The following SETD9 variants were observed in gnomAD, a reference collection of about 807,000 sequenced individuals.
SETD9 encodes SET domain containing 9.
Under a neutral mutation model 36.4 loss-of-function variants are expected in SETD9, and 37 were observed. That is an observed-to-expected ratio of 1.02 (90% CI 0.78 to 1.34). The LOEUF is 1.34. SETD9 is among the 40% of genes most tolerant of loss of function. The pLI, the probability that SETD9 is intolerant of heterozygous loss-of-function variation, is 0.00. For synonymous variants in SETD9, 128 were observed against 132.9 expected (o/e 0.96, Z 0.26); for missense variants, 323 against 353.2 (o/e 0.91, Z 0.69).
rs754287203 is a variant in SETD9 at position 56,913,933 on chromosome 5, C to T, written c.650C>T (p.Thr217Met). The T allele has an allele frequency of 3.4e-5, 55 of 1,613,798 alleles. No homozygotes were observed. Among genetic ancestry groups the T allele is most frequent in the Admixed American group, 2.5e-4 (15 of 60,000 alleles). Residue 217 changes from threonine (T) to methionine (M), a missense_variant, in exon 4 of 6, where the codon ACG (threonine) becomes ATG (methionine). Transcript: ENST00000285947. Reference protein sequence around the residue: ...PLKMSDSTWLTSEIHNPLAVG... With the variant: ...PLKMSDSTWLMSEIHNPLAVG... Reference sequence around the variant, plus strand: ...AAAATGAGTGATAGTACATGGCTAACGTCAGAAATTCATAACCCTCTGGCT... The same window carrying T: ...AAAATGAGTGATAGTACATGGCTAATGTCAGAAATTCATAACCCTCTGGCT...
At chr5:56,918,972 G>A (rs559922630), downstream of SETD9, among the ~76,000 whole-genome samples, 3 of 152,290 alleles carry the variant, frequency 2.0e-5, no homozygotes, top group South Asian at 2.1e-4. Flanking sequence ...AGGAAGACTA[G>A]TTGACCATAA....
downstream of SETD9, chr5:56,921,338 G>T (rs951756841): frequency 3.3e-5 from 5 of 152,356 alleles, no homozygotes; most frequent in Admixed American, 2.0e-4. Flanking sequence ...ATAAGAAGCT[G>T]ACAACTTGGA....
intron 5 of SETD9, among the ~76,000 whole-genome samples, chr5:56,925,017 T>C (rs1275556086): frequency 6.6e-6 from 1 of 152,240 alleles, no homozygotes; most frequent in African/African-American, 2.4e-5. Flanking sequence ...GTTGTATCTC[T>C]AGTGCCTAAA....
Position 56,913,996 on chromosome 5 carries a change from A to G in SETD9, c.706+7A>G. ...GTCAACAATTGTTCCAATGGTAAGA[A>G]GGCATCATGGGGCTGTGAGATGAGA... On this transcript the variant is annotated splice_region_variant and intron_variant, in intron 4 of 5. Transcript: ENST00000285947. 1 of 1,588,344 alleles carries G rather than the reference A, an allele frequency of 6.3e-7. No homozygotes were observed.
intron 2 of SETD9, 28 bp from the exon 3 acceptor site, chr5:56,912,983 C>A: frequency 6.2e-7 from 1 of 1,604,172 alleles, no homozygotes; most frequent in South Asian, 1.1e-5. Context: ...ATGTTGTTAT[C>A]ATATTTCTTT....
In SETD9 at chr5:56,923,530, A is replaced by G. The variant is rs768407615; in HGVS notation, c.813-1803A>G. ...TGTTGCCCAGTGGAGGAAAGCTATCATCCAAACAATTCACATCTGTGGGGT... is the reference window on the plus strand; with the variant it reads ...TGTTGCCCAGTGGAGGAAAGCTATCGTCCAAACAATTCACATCTGTGGGGT... On this transcript the variant is annotated intron_variant, in intron 5 of 5. Transcript: ENST00000628593. 15 of 1,614,088 alleles carry G rather than the reference A, an allele frequency of 9.3e-6. No individual in the cohort carries two copies. The Admixed American group carries it at 2.0e-4, about 22-fold the overall frequency.
chr5:56,910,977 T>G (rs1486544809), intron 1 of SETD9, 192 bp from the exon 2 acceptor site: 1 of 479,758 alleles, frequency 2.1e-6, no homozygotes, highest in Non-Finnish European at 3.5e-6. Flanking sequence ...TACTGACTAC[T>G]TGGGTGGGAA....
downstream of SETD9, chr5:56,922,104 G>A (rs1170437959): frequency 2.0e-5 from 3 of 152,574 alleles, no homozygotes; most frequent in East Asian, 1.9e-4. Context: ...ACTGCATTAG[G>A]TATAAAATCT....
intron 5 of SETD9, 30 bp from the exon 6 acceptor site, chr5:56,916,785 T>C (rs1749449367): frequency 6.3e-7 from 1 of 1,594,582 alleles, no homozygotes; most frequent in Non-Finnish European, 8.5e-7. Context: ...TTGTTAATGC[T>C]CTACCTTTTG....
chr5:56,914,626 A>G (rs1749331977), intron 4 of SETD9, among the ~76,000 whole-genome samples: 1 of 152,126 alleles, frequency 6.6e-6, no homozygotes, highest in South Asian at 2.1e-4. Context: ...AAGTAATAAA[A>G]CATGTTTTAT....
downstream of SETD9, among the ~76,000 whole-genome samples, chr5:56,926,938 C>A (rs138962802): frequency 7.4e-3 from 1,121 of 151,864 alleles, 17 homozygotes; most frequent in African/African-American, 0.026. Context: ...AAACAAAAAA[C>A]CCCATGGTGA....
intron 1 of SETD9, chr5:56,910,906 T>C: frequency 4.1e-6 from 1 of 243,556 alleles, no homozygotes; most frequent in East Asian, 8.2e-5. Context: ...TTTCCTTGTC[T>C]GCAAAAATGG....
chr5:56,916,406 A>C (rs1749429599), intron 5 of SETD9, among the ~76,000 whole-genome samples: 1 of 152,192 alleles, frequency 6.6e-6, no homozygotes, highest in Non-Finnish European at 1.5e-5. Flanking sequence ...AAAACAAACA[A>C]TATTTTATGA....
intron 3 of SETD9, among the ~76,000 whole-genome samples, 197 bp from the exon 4 acceptor site, chr5:56,913,677 C>A (rs1749273947): frequency 6.6e-6 from 1 of 152,082 alleles, no homozygotes; most frequent in Non-Finnish European, 1.5e-5. Context: ...AGCCACTGCG[C>A]CTGGCCAGCA....
downstream of SETD9, among the ~76,000 whole-genome samples, chr5:56,918,682 G>A (rs537310924): frequency 5.6e-4 from 85 of 152,196 alleles, no homozygotes; most frequent in Admixed American, 3.4e-3. Context: ...AGGTCCTTTC[G>A]TGTCTGACAA....
intron 1 of SETD9, chr5:56,909,970 C>G: frequency 7.9e-7 from 1 of 1,259,968 alleles, no homozygotes; most frequent in Admixed American, 3.1e-5. Context: ...TGGTGGAGTC[C>G]GAGGCCCGCT....
At chr5:56,910,022 ATGG>A (rs1034082073) in intron 1 of SETD9, 2 of 1,347,012 alleles carry the variant, frequency 1.5e-6, no homozygotes, top group African/African-American at 3.0e-5. Flanking sequence ...GGCGGGGCCT[ATGG>A]CCTCTTTCCC....
At position 56,913,941 on chromosome 5, in the gene SETD9, A is replaced by T. The variant is rs1579813507; in HGVS notation, c.658A>T (p.Ile220Phe). The T allele has an allele frequency of 6.2e-7, 1 of 1,614,020 alleles. No homozygotes were observed. Among genetic ancestry groups the T allele is most frequent in the East Asian group, 2.2e-5 (1 of 44,882 alleles). ...TGATAGTACATGGCTAACGTCAGAA[A>T]TTCATAACCCTCTGGCTGTGGGACA... is the stretch of plus-strand genomic sequence containing the variant. ...MSDSTWLTSE[I>F]HNPLAVGQYV... The change falls in exon 4 of 6, where the codon ATT becomes TTT. Residue 220 changes from isoleucine to phenylalanine, a missense_variant. Transcript: ENST00000285947.
intron 5 of SETD9, among the ~76,000 whole-genome samples, chr5:56,916,587 G>A (rs1187479860): frequency 5.3e-5 from 8 of 152,142 alleles, no homozygotes; most frequent in Non-Finnish European, 7.4e-5. Context: ...TTCAGAAGAA[G>A]TAGTCAGTTG....
Sources: allele counts gnomAD v4.1 joint callset (sites outside exome capture counted in the v4.1 genomes callset), GRCh38; gene constraint gnomAD v4.1.1; transcripts MANE v1.5; gene names NCBI Gene and HGNC (gene_info 2026-07-23, HGNC 2026-07-21).